Variants in COG7 observed in about 807,000 individuals in gnomAD.
COG7 encodes the protein conserved oligomeric Golgi complex subunit 7.
COG7 carries 49 observed loss-of-function variants against 91.5 expected under a neutral mutation model. That is an observed-to-expected ratio of 0.54 (90% confidence interval 0.43 to 0.68). The LOEUF (loss-of-function observed/expected upper bound fraction) is 0.68, where lower values mean the gene tolerates loss of function less well. COG7 is among the 30% of genes least tolerant of loss of function. The pLI is 0.00. For synonymous variants in COG7, 365 were observed against 388.7 expected, an observed-to-expected ratio of 0.94 and a Z score of 0.72; for missense variants, 895 against 961.3, an observed-to-expected ratio of 0.93 and a Z score of 0.91.
intron 15 of COG7, 149 bp from the exon 16 acceptor site, chr16:23,392,672 G>A: frequency 2.2e-6 from 2 of 896,488 alleles, no homozygotes; most frequent in Non-Finnish European, 3.6e-6. Context: ...GCTCATGCCT[G>A]TAATCCCAGC....
rs752410946 is a variant in COG7 at position 23,389,058 on chromosome 16, C to G, written c.2175G>C (p.Leu725=). 4.3e-6 allele frequency: 7 copies of G among 1,613,898 alleles called. No individual in the cohort carries two copies. The African/African-American group carries it at 9.3e-5, about 22-fold the overall frequency. The change falls in exon 17 of 17, where the codon CTG becomes CTC. Residue 725 remains leucine, a synonymous_variant. Transcript: ENST00000307149. ...GGAGGGTGCGGGACGGCTGCAGGCCCAGGGCATCCATCACGTTGATCAGAT... is the reference window on the plus strand; with the variant it reads ...GGAGGGTGCGGGACGGCTGCAGGCCGAGGGCATCCATCACGTTGATCAGAT... ...IDYLINVMDA[L]GLQPSRTLQH...
intron 10 of COG7, among the ~76,000 whole-genome samples, chr16:23,410,815 C>T (rs1462833219): frequency 6.6e-6 from 1 of 152,184 alleles, no homozygotes; most frequent in Non-Finnish European, 1.5e-5. Context: ...AAGTGACTCT[C>T]CTGCCTCAGC....
At position 23,434,937 on chromosome 16, in the gene COG7, A is replaced by G. The variant is rs6497663; in HGVS notation, c.605-219T>C. 9.0e-3 allele frequency among the ~76,000 whole-genome samples: 1,364 copies of G among 152,318 alleles called. 21 individuals carry two copies. The highest frequency in any genetic ancestry group is 0.031 in the African/African-American group (1,308 of 41,570). The stretch of plus-strand genomic sequence containing the variant: ...TTCCCCACTGTTCCTCACAGAATTC[A>G]TATTTTAACATGATACTGAGAGGTT... On this transcript the variant is annotated intron_variant, in intron 4 of 16. Transcript: ENST00000307149.
chr16:23,403,702 T>C lies in COG7; in HGVS notation c.1795A>G (p.Lys599Glu). The change falls in exon 13 of 17, where the codon AAG becomes GAG. Residue 599 changes from lysine to glutamate, a missense_variant. Lys to Glu is a moderately conservative substitution (Grantham distance 56). Transcript: ENST00000307149. ...GTCAGTGAGAAACTCACGTCCATCT[T>C]CGAAATAAGCAACAGCTGTTGTTTG... ...RIKQQLLLISKMDSWNTAGIG... is the reference protein window; with the variant it reads ...RIKQQLLLISEMDSWNTAGIG... 6.2e-7 allele frequency: 1 copy of C among 1,613,996 alleles called. No individual in the cohort carries two copies. The highest frequency in any genetic ancestry group is 8.5e-7 in the Non-Finnish European group (1 of 1,179,928).
intron 10 of COG7, chr16:23,412,958 T>G (rs1963589847): frequency 5.9e-6 from 1 of 170,406 alleles, no homozygotes; most frequent in African/African-American, 2.4e-5. Flanking sequence ...AGTGCTGGGA[T>G]GAAAAGCATG....
chr16:23,416,726 T>C, intron 9 of COG7: 1 of 567,070 alleles, frequency 1.8e-6, no homozygotes, highest in Admixed American at 3.1e-5. Context: ...GCTGCACAAG[T>C]TTCCCTCATA....
At chr16:23,406,431 AGC>A (rs1963463478) in intron 11 of COG7, among the ~76,000 whole-genome samples, 169 bp from the exon 12 acceptor site, 1 of 152,180 alleles carries the variant, frequency 6.6e-6, no homozygotes, top group African/African-American at 2.4e-5. Context: ...TTGAGGAGTG[AGC>A]TGGACCTCAG....
At chr16:23,437,902 C>G (rs912751902) in intron 4 of COG7, among the ~76,000 whole-genome samples, 1 of 152,026 alleles carries the variant, frequency 6.6e-6, no homozygotes, top group Non-Finnish European at 1.5e-5. Flanking sequence ...CTGGCCAACA[C>G]AGTGAAACTC....
rs1964288442 is a variant in COG7, at chr16:23,452,861, T to G, written c.134A>C (p.Gln45Pro). The change falls in exon 1 of 17, where the codon CAG becomes CCG. Residue 45 changes from glutamine (Q) to proline (P), a missense_variant. By Grantham distance (76) the Gln-to-Pro change is moderately conservative. Transcript: ENST00000307149. Reference sequence around the variant, plus strand: ...GTGGTTCACCTCTTGGATGAACAGCTGCAGCTTCATCACCAGGGTGGCTGC... The same window carrying G: ...GTGGTTCACCTCTTGGATGAACAGCGGCAGCTTCATCACCAGGGTGGCTGC... The part of the protein sequence containing the change: ...GHAATLVMKL[Q>P]LFIQEVNHAV... 4 of 1,613,702 alleles carry G rather than the reference T, an allele frequency of 2.5e-6. No homozygotes were observed. The highest frequency in any genetic ancestry group is 2.7e-5 in the African/African-American group (2 of 74,952).
At chr16:23,400,020 A>G (rs191958651) in intron 13 of COG7, among the ~76,000 whole-genome samples, 117 of 152,180 alleles carry the variant, frequency 7.7e-4, no homozygotes, top group Admixed American at 4.8e-3. Flanking sequence ...GAGTCCTTCT[A>G]TTTCAGATGA....
At chr16:23,395,818 G>A (rs760416067) in intron 14 of COG7, among the ~76,000 whole-genome samples, 1 of 152,184 alleles carries the variant, frequency 6.6e-6, no homozygotes, top group Non-Finnish European at 1.5e-5. Context: ...TCACTGACTT[G>A]GGAAAAATGA....
intron 10 of COG7, among the ~76,000 whole-genome samples, chr16:23,411,785 A>G (rs1008900607): frequency 6.6e-6 from 1 of 152,188 alleles, no homozygotes; most frequent in African/African-American, 2.4e-5. Context: ...CAGGTAAGAC[A>G]TGAAAGTGGG....
intron 1 of COG7, among the ~76,000 whole-genome samples, chr16:23,449,396 TAAAATA>T (rs1964230794): frequency 7.2e-6 from 1 of 139,626 alleles, no homozygotes; most frequent in Non-Finnish European, 1.5e-5. Context: ...TAAAATAAAA[TAAAATA>T]AAATAAAATA....
chr16:23,445,982 AAAAAC>A lies in COG7; in HGVS notation c.170-26_170-22del. ...TGTTTCTGTAGTTAAAAAAAAAAAA[AAAAAC>A]AACAACAACAGCGATAGCCACAAAA... On this transcript the variant is annotated intron_variant, in intron 1 of 16. Coordinates refer to ENST00000307149, the MANE Select transcript of COG7 (RefSeq NM_153603.4). 6.2e-6 allele frequency: 10 copies of A among 1,607,318 alleles called. No homozygotes were observed. The East Asian group carries it at 8.9e-5, about 14-fold the overall frequency.
intron 6 of COG7, among the ~76,000 whole-genome samples, chr16:23,432,213 T>C (rs1963945943): frequency 6.6e-6 from 1 of 152,094 alleles, no homozygotes. Context: ...AGAACAAGGA[T>C]GGAGAAAAGT....
At chr16:23,441,623 C>T (rs1229399422) in intron 4 of COG7, among the ~76,000 whole-genome samples, 1 of 152,124 alleles carries the variant, frequency 6.6e-6, no homozygotes, top group Non-Finnish European at 1.5e-5. Context: ...CATCCATTTA[C>T]GAGTGGGCTT....
intron 4 of COG7, among the ~76,000 whole-genome samples, chr16:23,435,221 G>A (rs1204390169): frequency 1.3e-5 from 2 of 152,038 alleles, no homozygotes; most frequent in Non-Finnish European, 2.9e-5. Context: ...ACAAAAATTA[G>A]CTGAGCGTGG....
chr16:23,446,047 G>T, intron 1 of COG7, 86 bp from the exon 2 acceptor site: 1 of 1,470,102 alleles, frequency 6.8e-7, no homozygotes. Context: ...TAAAATACAG[G>T]AAACAAATCA....
chr16:23,433,757 C>A, intron 5 of COG7, 90 bp from the exon 6 acceptor site: 1 of 1,523,704 alleles, frequency 6.6e-7, no homozygotes, highest in East Asian at 2.3e-5. Flanking sequence ...AGCGTAATCA[C>A]GGATTGCTCA....
Sources: gnomAD v4.1 joint callset for allele counts (sites outside exome capture counted in the v4.1 genomes callset) on GRCh38, gnomAD v4.1.1 for gene constraint, MANE v1.5 for transcripts, NCBI Gene and HGNC (gene_info 2026-07-23, HGNC 2026-07-21) for gene names.